The following DRICH1 variants were observed in gnomAD, a reference collection of about 807,000 sequenced individuals.
DRICH1 encodes the protein aspartate rich 1.
In DRICH1, 38 loss-of-function variants were observed where a neutral mutation model predicts 39.5. That is an observed-to-expected ratio of 0.96 (90% CI 0.74 to 1.26). The LOEUF is 1.26. DRICH1 is among the 50% of genes most tolerant of loss of function. The probability of loss-of-function intolerance (pLI) is 0.00; values close to 1 mark genes in which losing one functional copy is unlikely to be tolerated. For synonymous variants in DRICH1, 84 were observed against 99.5 expected (o/e 0.84, Z 0.93); for missense variants, 279 against 270.4 (o/e 1.03, Z -0.22).
rs1395818078 is a variant in DRICH1, at chr22:23,617,619, G to A, written c.475C>T (p.Arg159Ter). The change falls in exon 7 of 12, where the codon CGA (arginine) becomes TGA (stop). Residue 159 changes from arginine to a stop codon, truncating the protein, a stop_gained. Coordinates refer to ENST00000317749, the MANE Select transcript of DRICH1 (RefSeq NM_016449.4). LOFTEE classifies it high-confidence loss of function. Reference sequence around the variant, plus strand: ...TCATCACAGTCATCATCTTCACTTCGTGGTAGGCATACTAAACTCAGGTTG... The same window carrying A: ...TCATCACAGTCATCATCTTCACTTCATGGTAGGCATACTAAACTCAGGTTG... The part of the protein sequence containing the change: ...EDNLSLVCLP[R>*]SEDDDCDDDD... 2.5e-5 allele frequency: 41 copies of A among 1,614,136 alleles called. No homozygotes were observed. The highest frequency in any genetic ancestry group is 4.5e-5 in the East Asian group (2 of 44,890).
chr22:23,613,228 T>C, intron 11 of DRICH1, 61 bp downstream of exon 11: 3 of 1,290,760 alleles, frequency 2.3e-6, no homozygotes, highest in South Asian at 1.2e-5. Flanking sequence ...GCAACAGGGA[T>C]AACCTGGAGG....
chr22:23,608,634 T>C lies in DRICH1; in HGVS notation c.*130A>G, dbSNP rs55871531. 7,075 of 974,232 alleles carry C rather than the reference T, an allele frequency of 7.3e-3. 300 individuals carry two copies. The African/African-American group carries it at 0.097, about 13-fold the overall frequency. 60.3% of individuals were successfully genotyped at this position (974,232 alleles called of 1,614,324 possible). A position where few individuals can be genotyped will look rare whatever the true frequency, so the allele number is the denominator to read the frequency against. On this transcript the variant is annotated 3_prime_UTR_variant, in exon 12 of 12. Transcript: ENST00000317749. ...GGGAAGCAGCCTTGGACTTTTTCTC[T>C]CTGCTGGGACCAAGAGTTTTCCTCA...
chr22:23,602,460 G>C, the DRICH1 span, among the ~76,000 whole-genome samples: 1 of 152,218 alleles, frequency 6.6e-6, no homozygotes, highest in Non-Finnish European at 1.5e-5. Flanking sequence ...TGAGGCAGGT[G>C]GGTCACTTGG....
chr22:23,616,348 C>T (rs1189138557), intron 8 of DRICH1, among the ~76,000 whole-genome samples: 1 of 152,172 alleles, frequency 6.6e-6, no homozygotes. Context: ...ACACAGGATA[C>T]TCAAAAGCCC....
chr22:23,594,306 C>T, the DRICH1 span, among the ~76,000 whole-genome samples: 53 of 152,278 alleles, frequency 3.5e-4, 2 homozygotes, highest in South Asian at 7.3e-3. Context: ...TGGTGGCTCA[C>T]GCCTGTAATC....
At chr22:23,586,483 T>C in the DRICH1 span, among the ~76,000 whole-genome samples, 1 of 152,226 alleles carries the variant, frequency 6.6e-6, no homozygotes, top group Non-Finnish European at 1.5e-5. Flanking sequence ...TGTGAGACCC[T>C]GTTTCAAAAG....
At chr22:23,611,767 T>C (rs1231099743) in intron 11 of DRICH1, among the ~76,000 whole-genome samples, 2 of 152,204 alleles carry the variant, frequency 1.3e-5, no homozygotes, top group Non-Finnish European at 2.9e-5. Flanking sequence ...CCCAGTAAAG[T>C]CGTACCTGTT....
chr22:23,627,749 C>G (rs1479199459), intron 1 of DRICH1, among the ~76,000 whole-genome samples: 1 of 152,190 alleles, frequency 6.6e-6, no homozygotes, highest in East Asian at 1.9e-4. Context: ...TCCTCAGGAG[C>G]TCAACTTCAT....
At chr22:23,590,383 T>C in the DRICH1 span, among the ~76,000 whole-genome samples, 2 of 151,328 alleles carry the variant, frequency 1.3e-5, no homozygotes, top group African/African-American at 2.4e-5. Flanking sequence ...GTTCAAGCAA[T>C]TCTCCTGCCT....
chr22:23,610,892 ATTTT>A (rs36010947), intron 11 of DRICH1, among the ~76,000 whole-genome samples: 1 of 139,430 alleles, frequency 7.2e-6, no homozygotes. Context: ...GATGGGCAAA[ATTTT>A]TTTTTTTTTT....
intron 2 of DRICH1, 135 bp from the exon 3 acceptor site, chr22:23,625,039 C>A: frequency 9.8e-7 from 1 of 1,017,990 alleles, no homozygotes; most frequent in Non-Finnish European, 1.5e-6. Flanking sequence ...AAAGACAAAA[C>A]ACTTTAGCAT....
At position 23,631,958 on chromosome 22, in the gene DRICH1, G is replaced by C. The variant is rs771282808; in HGVS notation, c.66C>G (p.Pro22=). 9 of 1,613,654 alleles carry C rather than the reference G, an allele frequency of 5.6e-6. No homozygotes were observed. Among genetic ancestry groups the C allele is most frequent in the East Asian group, 4.5e-5 (2 of 44,896 alleles). Reference sequence around the variant, plus strand: ...AAATATCAGTATCAGATTCATAACAGGGTGCGTCCTTCCCCCTGGGCCAGC... The same window carrying C: ...AAATATCAGTATCAGATTCATAACACGGTGCGTCCTTCCCCCTGGGCCAGC... ...HCGWPRGKDA[P]CYESDTDIYE... is the part of the protein sequence containing the mutation. The change falls in exon 1 of 12, where the codon CCC becomes CCG. Residue 22 remains proline (P), a synonymous_variant. Transcript: ENST00000317749.
chr22:23,612,276 G>A (rs536198506), intron 11 of DRICH1, among the ~76,000 whole-genome samples: 4 of 151,978 alleles, frequency 2.6e-5, no homozygotes, highest in East Asian at 1.9e-4. Flanking sequence ...GACTAGCCTG[G>A]CCAACATGGT....
At position 23,631,889 on chromosome 22, in the gene DRICH1, C is replaced by T. The variant is rs1277604807; in HGVS notation, c.135G>A (p.Glu45=). 4.3e-6 allele frequency: 7 copies of T among 1,613,118 alleles called. No homozygotes were observed. Among genetic ancestry groups the T allele is most frequent in the African/African-American group, 2.7e-5 (2 of 74,900 alleles). The change falls in exon 1 of 12, where the codon GAG becomes GAA. Residue 45 remains glutamate, a synonymous_variant. Transcript: ENST00000317749. The stretch of plus-strand genomic sequence containing the variant: ...TGGCTCCCACATCCAGCTTGCCAGG[C>T]TCTACAGTAGTGGATTCTGATGTTG... ...AAATSESTTV[E]PGKLDVGATE...
intron 11 of DRICH1, 40 bp downstream of exon 11, chr22:23,613,249 C>A (rs370629401): frequency 2.6e-6 from 4 of 1,539,386 alleles, no homozygotes; most frequent in Non-Finnish European, 3.6e-6. Flanking sequence ...CTCCTGGGAA[C>A]CTTTTCCCAT....
chr22:23,618,902 G>A (rs958689657), intron 6 of DRICH1, among the ~76,000 whole-genome samples: 9 of 151,956 alleles, frequency 5.9e-5, no homozygotes, highest in East Asian at 1.9e-4. Context: ...GTCCAGGCGC[G>A]GTGGCTCATG....
chr22:23,619,912 T>C (rs1251551760), intron 5 of DRICH1, among the ~76,000 whole-genome samples: 1 of 151,666 alleles, frequency 6.6e-6, no homozygotes, highest in Non-Finnish European at 1.5e-5. Flanking sequence ...CCATTTCTCC[T>C]ATGCATCTGG....
chr22:23,607,885 C>A (rs950770871), downstream of DRICH1, among the ~76,000 whole-genome samples: 11 of 152,236 alleles, frequency 7.2e-5, no homozygotes, highest in South Asian at 2.3e-3. Flanking sequence ...GCTCTGTTTG[C>A]TGCTCCAGAC....
At chr22:23,581,914 A>AT in the DRICH1 span, among the ~76,000 whole-genome samples, 3 of 143,252 alleles carry the variant, frequency 2.1e-5, no homozygotes, top group Non-Finnish European at 4.6e-5. Context: ...CATCTTGACC[A>AT]TTTTTAAGTA....
Sources: allele counts gnomAD v4.1 joint callset (sites outside exome capture counted in the v4.1 genomes callset), GRCh38; gene constraint gnomAD v4.1.1; transcripts MANE v1.5; gene names NCBI Gene and HGNC (gene_info 2026-07-23, HGNC 2026-07-21).